The following PDIA6 variants were observed in gnomAD, a reference collection of about 807,000 sequenced individuals.
PDIA6 encodes the protein protein disulfide isomerase family A member 6.
A neutral mutation model predicts 58.4 loss-of-function variants in PDIA6; 29 were observed. The observed-to-expected ratio is 0.50, with a 90% CI of 0.37 to 0.68. The LOEUF is 0.68. Among genes scored for constraint, PDIA6 ranks in the 30% least tolerant of loss-of-function variants. The probability of loss-of-function intolerance (pLI) is 0.00; values close to 1 mark genes in which losing one functional copy is unlikely to be tolerated. For missense variants in PDIA6, 480 were observed against 551.0 expected (o/e 0.87, Z 1.29); for synonymous variants, 192 against 202.6 (o/e 0.95, Z 0.44).
In PDIA6 at chr2:10,785,170, C is replaced by G. The variant is rs1326062967; in HGVS notation, c.1158-140G>C. 3 of 630,920 alleles carry G rather than the reference C, an allele frequency of 4.8e-6. No individual in the cohort carries two copies. The African/African-American group carries it at 5.5e-5, about 12-fold the overall frequency. 39.1% of individuals were successfully genotyped at this position (630,920 alleles called of 1,614,324 possible). A position where few individuals can be genotyped will look rare whatever the true frequency, so the allele number is the denominator to read the frequency against. On this transcript the variant is annotated intron_variant, in intron 11 of 12. Coordinates refer to ENST00000272227, the MANE Select transcript of PDIA6 (RefSeq NM_005742.4). ...TTCTCTCTTGCTGCACTACATTCCT[C>G]AGAAACACCTTGAGGACATTATCTT... is the stretch of plus-strand genomic sequence containing the variant.
intron 1 of PDIA6, among the ~76,000 whole-genome samples, chr2:10,810,662 A>C (rs1355583967): frequency 6.6e-6 from 1 of 152,140 alleles, no homozygotes; most frequent in East Asian, 1.9e-4. Flanking sequence ...ATTCCTAAAA[A>C]GGCAATGTGA....
intron 1 of PDIA6, among the ~76,000 whole-genome samples, chr2:10,823,636 T>A (rs1251022916): frequency 6.6e-6 from 1 of 152,202 alleles, no homozygotes; most frequent in Non-Finnish European, 1.5e-5. Context: ...TTCTCACAAT[T>A]GCCACCACCT....
Position 10,791,809 on chromosome 2 carries a change from A to G in PDIA6, c.570T>C (p.Cys190=), listed in dbSNP as rs1272847508. 42 of 1,613,656 alleles carry G rather than the reference A, an allele frequency of 2.6e-5. No individual in the cohort carries two copies. The highest frequency in any genetic ancestry group is 3.4e-5 in the Non-Finnish European group (40 of 1,179,936). Residue 190 remains cysteine, a synonymous_variant, in exon 6 of 13, where the codon TGT becomes TGC. Coordinates refer to ENST00000272227, the MANE Select transcript of PDIA6 (RefSeq NM_005742.4). ...AAGGCACTTACTTTTTGCAGTGTCC[A>G]CACCAAGGAGCATAGAACTCAACCA... ...VWMVEFYAPW[C]GHCKNLEPEW...
chr2:10,835,771 G>A (rs1158765473), upstream of PDIA6, among the ~76,000 whole-genome samples: 11 of 152,230 alleles, frequency 7.2e-5, no homozygotes, highest in Admixed American at 6.5e-4. Flanking sequence ...TAGAGAGGGG[G>A]CCGGGCGCGG....
chr2:10,817,122 C>T (rs2148572220), upstream of PDIA6, among the ~76,000 whole-genome samples: 2 of 152,302 alleles, frequency 1.3e-5, no homozygotes, highest in South Asian at 4.1e-4. Context: ...GGATCACTCT[C>T]CCTTTTTATT....
chr2:10,808,603 AG>A (rs1208006341), intron 1 of PDIA6, among the ~76,000 whole-genome samples: 3 of 152,196 alleles, frequency 2.0e-5, no homozygotes, highest in African/African-American at 7.2e-5. Flanking sequence ...GAACCCAGTC[AG>A]TGATGGAGTA....
chr2:10,805,915 T>G (rs1223956390), intron 1 of PDIA6, among the ~76,000 whole-genome samples: 6 of 27,200 alleles, frequency 2.2e-4, no homozygotes, highest in South Asian at 2.5e-3. Context: ...TGTTGTGGGG[T>G]GGGGGGAGGG....
intron 4 of PDIA6, among the ~76,000 whole-genome samples, chr2:10,796,342 C>T (rs879865125): frequency 2.2e-4 from 33 of 152,014 alleles, no homozygotes; most frequent in Non-Finnish European, 4.1e-4. Context: ...CATGAGCCAT[C>T]ATGCCCAGCC....
upstream of PDIA6, among the ~76,000 whole-genome samples, chr2:10,835,320 G>A (rs866092810): frequency 7.9e-5 from 12 of 152,274 alleles, no homozygotes; most frequent in Non-Finnish European, 1.3e-4. Flanking sequence ...AGGTGGGCAA[G>A]TACCCCCGGC....
At chr2:10,797,267 C>T (rs1003718529) in intron 3 of PDIA6, 60 bp from the exon 4 acceptor site, 1 of 1,541,622 alleles carries the variant, frequency 6.5e-7, no homozygotes, top group African/African-American at 1.4e-5. Context: ...TCCACAAGAA[C>T]TCATTATCTG....
At chr2:10,785,565 C>T (rs1320935919) in intron 11 of PDIA6, among the ~76,000 whole-genome samples, 1 of 152,128 alleles carries the variant, frequency 6.6e-6, no homozygotes, top group African/African-American at 2.4e-5. Context: ...GTTCACCAAA[C>T]AACTCATAGA....
intron 1 of PDIA6, among the ~76,000 whole-genome samples, chr2:10,809,823 A>G (rs1404186774): frequency 6.6e-6 from 1 of 152,170 alleles, no homozygotes; most frequent in African/African-American, 2.4e-5. Context: ...TAAGTTACAG[A>G]TATTTTCTAC....
chr2:10,830,793 C>T (rs1470443048), intron 1 of PDIA6, among the ~76,000 whole-genome samples: 1 of 152,202 alleles, frequency 6.6e-6, no homozygotes, highest in African/African-American at 2.4e-5. Flanking sequence ...CACACGGGGA[C>T]TCCACCTGCG....
chr2:10,798,871 A>G (rs2148548317), intron 2 of PDIA6, among the ~76,000 whole-genome samples: 1 of 152,336 alleles, frequency 6.6e-6, no homozygotes, highest in South Asian at 2.1e-4. Flanking sequence ...CAGATCAACT[A>G]TGCCTATATC....
intron 2 of PDIA6, 76 bp downstream of exon 2, chr2:10,802,423 A>C: frequency 1.0e-6 from 1 of 969,420 alleles, no homozygotes; most frequent in Non-Finnish European, 1.4e-6. Flanking sequence ...TCTTAATAAA[A>C]TCAGATTTTT....
chr2:10,797,003 G>A, intron 4 of PDIA6, 78 bp downstream of exon 4: 1 of 1,205,630 alleles, frequency 8.3e-7, no homozygotes, highest in Non-Finnish European at 1.2e-6. Flanking sequence ...CTTGCAGGTA[G>A]AGCAGGTTCT....
upstream of PDIA6, among the ~76,000 whole-genome samples, chr2:10,834,745 T>TCCTTCCTC (rs1667792661): frequency 4.6e-5 from 3 of 65,666 alleles, no homozygotes; most frequent in Admixed American, 4.9e-4. Flanking sequence ...CTTCCTTCCT[T>TCCTTCCTC]CCTTCCTTCC....
chr2:10,814,033 A>G (rs1667115409), upstream of PDIA6, among the ~76,000 whole-genome samples: 1 of 152,214 alleles, frequency 6.6e-6, no homozygotes, highest in Admixed American at 6.5e-5. Context: ...CCTAAAAGTA[A>G]AATCTTTCAA....
intron 1 of PDIA6, among the ~76,000 whole-genome samples, chr2:10,803,488 C>T (rs1004616803): frequency 3.6e-5 from 5 of 140,232 alleles, no homozygotes; most frequent in Admixed American, 7.6e-5. Flanking sequence ...TTTTATTTCT[C>T]TTAATACTAT....
Sources: allele counts gnomAD v4.1 joint callset (sites outside exome capture counted in the v4.1 genomes callset), GRCh38; gene constraint gnomAD v4.1.1; transcripts MANE v1.5; gene names NCBI Gene and HGNC (gene_info 2026-07-23, HGNC 2026-07-21).